The following ERC2 variants were observed in gnomAD, a reference collection of about 807,000 sequenced individuals.
ERC2 encodes ELKS/RAB6-interacting/CAST family member 2.
ERC2 carries 42 observed loss-of-function variants against 114.8 expected under a neutral mutation model. The ratio of observed to expected loss-of-function variants is 0.37; its 90% CI spans 0.29 to 0.47. The LOEUF (loss-of-function observed/expected upper bound fraction) is 0.47, where lower values mean the gene tolerates loss of function less well. ERC2 is among the 20% of genes least tolerant of loss of function. ERC2 has a pLI of 0.99. For missense variants in ERC2, 939 were observed against 1,150.7 expected (o/e 0.82, Z 2.66); for synonymous variants, 454 against 425.5 (o/e 1.07, Z -0.82).
chr3:56,424,312 G>A (rs747127798), intron 2 of ERC2, among the ~76,000 whole-genome samples: 11 of 151,590 alleles, frequency 7.3e-5, no homozygotes, highest in Non-Finnish European at 1.3e-4. Flanking sequence ...CTGCAATCCC[G>A]TCACCCAAAT....
intron 14 of ERC2, among the ~76,000 whole-genome samples, chr3:55,881,280 C>G (rs1311205778): frequency 6.6e-6 from 1 of 152,180 alleles, no homozygotes; most frequent in Non-Finnish European, 1.5e-5. Flanking sequence ...TCTTACCTCA[C>G]TGTAAATGTC....
intron 14 of ERC2, among the ~76,000 whole-genome samples, chr3:55,851,884 T>C (rs1438937421): frequency 6.6e-6 from 1 of 152,102 alleles, no homozygotes; most frequent in African/African-American, 2.4e-5. Flanking sequence ...GCACAGAACA[T>C]GGTGTCCTTA....
chr3:56,120,078 T>C (rs1197039747), intron 6 of ERC2, among the ~76,000 whole-genome samples: 2 of 152,182 alleles, frequency 1.3e-5, no homozygotes, highest in Non-Finnish European at 2.9e-5. Flanking sequence ...ATGTCTTTTG[T>C]TTGGCCTGCA....
intron 2 of ERC2, among the ~76,000 whole-genome samples, chr3:56,298,302 G>A (rs2055590221): frequency 6.6e-6 from 1 of 152,148 alleles, no homozygotes; most frequent in South Asian, 2.1e-4. Flanking sequence ...ATGTTTCCAA[G>A]GTTTATCCAT....
chr3:55,812,483 T>C (rs2059756267), intron 14 of ERC2, among the ~76,000 whole-genome samples: 1 of 152,230 alleles, frequency 6.6e-6, no homozygotes, highest in African/African-American at 2.4e-5. Flanking sequence ...AGACATTGGA[T>C]TCCAGATTCC....
chr3:56,034,092 G>C (rs1432820254), intron 7 of ERC2, among the ~76,000 whole-genome samples: 2 of 152,112 alleles, frequency 1.3e-5, no homozygotes, highest in African/African-American at 2.4e-5. Context: ...ACTCACTTTA[G>C]CTTAAAGGAC....
chr3:56,212,206 T>A (rs1258991992), intron 3 of ERC2, among the ~76,000 whole-genome samples: 1 of 152,112 alleles, frequency 6.6e-6, no homozygotes, highest in African/African-American at 2.4e-5. Context: ...AATCTATACA[T>A]CTGACAAAGG....
intron 2 of ERC2, among the ~76,000 whole-genome samples, chr3:56,408,370 C>T (rs1187086636): frequency 6.6e-6 from 1 of 152,078 alleles, no homozygotes; most frequent in Non-Finnish European, 1.5e-5. Flanking sequence ...CTGAAGGTTG[C>T]CAGTGGAGGA....
At chr3:55,528,759 G>T (rs2053492073) in intron 17 of ERC2, among the ~76,000 whole-genome samples, 1 of 152,068 alleles carries the variant, frequency 6.6e-6, no homozygotes, top group Non-Finnish European at 1.5e-5. Flanking sequence ...AGAATTCCTT[G>T]TGGGGTCTGC....
In ERC2 at chr3:56,209,133, C is replaced by A. The variant is rs62253566; in HGVS notation, c.1075-35613G>T. On this transcript the variant is annotated intron_variant, in intron 3 of 17. Coordinates refer to ENST00000288221, the MANE Select transcript of ERC2 (RefSeq NM_015576.3). Reference sequence around the variant, plus strand: ...GAGGCCTTTTTGCCACTCTGCCCAGCCTCCTTTCACACCACCCCCTTTTTC... The same window carrying A: ...GAGGCCTTTTTGCCACTCTGCCCAGACTCCTTTCACACCACCCCCTTTTTC... 2.5e-3 allele frequency among the ~76,000 whole-genome samples: 377 copies of A among 152,256 alleles called. 1 individual carries two copies. Among genetic ancestry groups the A allele is most frequent in the Non-Finnish European group, 4.7e-3 (317 of 68,012 alleles).
intron 17 of ERC2, among the ~76,000 whole-genome samples, chr3:55,520,868 T>C (rs1258776777): frequency 1.3e-5 from 2 of 152,204 alleles, no homozygotes; most frequent in East Asian, 3.9e-4. Context: ...CATATACAAG[T>C]CACAGGAAGA....
At chr3:56,326,666 G>C (rs765747902) in intron 2 of ERC2, among the ~76,000 whole-genome samples, 20 of 152,112 alleles carry the variant, frequency 1.3e-4, no homozygotes, top group Admixed American at 5.9e-4. Flanking sequence ...GGCCATTTCT[G>C]GCCAGAAGAA....
chr3:55,796,082 G>A (rs992889489), intron 14 of ERC2, among the ~76,000 whole-genome samples: 3 of 152,224 alleles, frequency 2.0e-5, no homozygotes, highest in Non-Finnish European at 4.4e-5. Context: ...GTGGTTGAGG[G>A]GGGAGGGTAG....
At chr3:55,826,867 T>C (rs1189584418) in intron 14 of ERC2, among the ~76,000 whole-genome samples, 2 of 152,206 alleles carry the variant, frequency 1.3e-5, no homozygotes, top group African/African-American at 2.4e-5. Flanking sequence ...GCGAGGCACA[T>C]TGTGCTCTGG....
At chr3:55,834,342 T>C (rs1203270488) in intron 14 of ERC2, among the ~76,000 whole-genome samples, 8 of 152,078 alleles carry the variant, frequency 5.3e-5, no homozygotes, top group African/African-American at 1.2e-4. Context: ...TATTCCAAAA[T>C]TGACCACACA....
intron 14 of ERC2, among the ~76,000 whole-genome samples, chr3:55,813,093 A>C (rs1218826471): frequency 6.6e-6 from 1 of 152,160 alleles, no homozygotes; most frequent in East Asian, 1.9e-4. Flanking sequence ...AGCACAGAAA[A>C]ACCAAGTACC....
At chr3:56,173,690 C>T in intron 3 of ERC2, 170 bp from the exon 4 acceptor site, 1 of 572,610 alleles carries the variant, frequency 1.7e-6, no homozygotes, top group Non-Finnish European at 3.0e-6. Flanking sequence ...TGCCTGGAGC[C>T]TGCGTTCCGG....
intron 16 of ERC2, among the ~76,000 whole-genome samples, chr3:55,696,250 T>C (rs192905582): frequency 2.0e-5 from 3 of 152,316 alleles, no homozygotes; most frequent in East Asian, 3.9e-4. Flanking sequence ...CAAATGATTT[T>C]TCATATTTCT....
At chr3:55,947,590 GTTTTCCCTGGGT>G (rs141254621) in intron 13 of ERC2, among the ~76,000 whole-genome samples, 9,639 of 152,170 alleles carry the variant, frequency 0.063, 421 homozygotes, top group Non-Finnish European at 0.094. Context: ...ACTGTCATTA[GTTTTCCCTGGGT>G]TGCTGACACC....
Sources: gnomAD v4.1 joint callset for allele counts (sites outside exome capture counted in the v4.1 genomes callset) on GRCh38, gnomAD v4.1.1 for gene constraint, MANE v1.5 for transcripts, NCBI Gene and HGNC (gene_info 2026-07-23, HGNC 2026-07-21) for gene names.